The following CFAP206 variants were observed in gnomAD, a reference collection of about 807,000 sequenced individuals.
CFAP206 encodes cilia- and flagella-associated protein 206.
CFAP206 carries 53 observed loss-of-function variants against 65.4 expected under a neutral mutation model. The observed-to-expected ratio is 0.81, with a 90% CI of 0.65 to 1.02. The LOEUF is 1.02. Among genes scored for constraint, CFAP206 ranks in the 50% least tolerant of loss-of-function variants. The probability of loss-of-function intolerance (pLI) is 0.00; values close to 1 mark genes in which losing one functional copy is unlikely to be tolerated. For synonymous variants in CFAP206, 250 were observed against 254.4 expected, an observed-to-expected ratio of 0.98 and a Z score of 0.17; for missense variants, 663 against 753.2, an observed-to-expected ratio of 0.88 and a Z score of 1.40.
At chr6:87,454,672 T>A (rs1768603786) in intron 11 of CFAP206, among the ~76,000 whole-genome samples, 1 of 151,304 alleles carries the variant, frequency 6.6e-6, no homozygotes, top group South Asian at 2.1e-4. Flanking sequence ...GGTGAAACCC[T>A]GTCTCTACTA....
chr6:87,433,686 A>C (rs2127952607), intron 10 of CFAP206, among the ~76,000 whole-genome samples: 1 of 152,346 alleles, frequency 6.6e-6, no homozygotes, highest in African/African-American at 2.4e-5. Context: ...ACAGTTTAAA[A>C]TCATACTTTA....
rs2127958691 is a variant in CFAP206 at position 87,464,129 on chromosome 6, T to C, written c.1748T>C (p.Met583Thr). Residue 583 changes from methionine to threonine, a missense_variant, in exon 13 of 13, where the codon ATG (methionine) becomes ACG (threonine). Transcript: ENST00000369562. Reference sequence around the variant, plus strand: ...CCAAAGGACACTAGCACCCAGTCCATGAGGGAAGACAGCACTGGGGTGCCC... The same window carrying C: ...CCAAAGGACACTAGCACCCAGTCCACGAGGGAAGACAGCACTGGGGTGCCC... ...YPPKDTSTQS[M>T]REDSTGVPRP... 1 of 1,614,182 alleles carries C rather than the reference T, an allele frequency of 6.2e-7. No homozygotes were observed. The highest frequency in any genetic ancestry group is 8.5e-7 in the Non-Finnish European group (1 of 1,180,020).
At chr6:87,424,288 T>C (rs1767999124) in intron 7 of CFAP206, among the ~76,000 whole-genome samples, 1 of 152,220 alleles carries the variant, frequency 6.6e-6, no homozygotes, top group Admixed American at 6.5e-5. Flanking sequence ...TTATTTTTTT[T>C]TATTTTTTTG....
At chr6:87,463,984 G>C in intron 12 of CFAP206, 36 bp from the exon 13 acceptor site, 1 of 1,525,760 alleles carries the variant, frequency 6.6e-7, no homozygotes. Flanking sequence ...TTGTTCTTTA[G>C]AGAAATGTTA....
intron 7 of CFAP206, among the ~76,000 whole-genome samples, chr6:87,424,914 A>G (rs1235169226): frequency 6.6e-6 from 1 of 152,264 alleles, no homozygotes; most frequent in Non-Finnish European, 1.5e-5. Flanking sequence ...TATATCCTGA[A>G]CTGCAAAAGC....
chr6:87,423,069 A>G (rs1171313060), intron 7 of CFAP206, among the ~76,000 whole-genome samples: 1 of 151,780 alleles, frequency 6.6e-6, no homozygotes, highest in African/African-American at 2.4e-5. Context: ...GACACGCGCC[A>G]CCACGCCTGG....
chr6:87,459,104 A>C (rs1169987934), intron 11 of CFAP206, among the ~76,000 whole-genome samples: 2 of 152,120 alleles, frequency 1.3e-5, no homozygotes, highest in African/African-American at 4.8e-5. Context: ...TTTTTGCTTA[A>C]TTAGATGTTA....
chr6:87,437,723 A>G (rs942425183), intron 11 of CFAP206, among the ~76,000 whole-genome samples: 1 of 151,428 alleles, frequency 6.6e-6, no homozygotes, highest in African/African-American at 2.4e-5. Context: ...TGACATGAAC[A>G]TGGCTCACTA....
chr6:87,415,105 G>T (rs1049837772), intron 4 of CFAP206, among the ~76,000 whole-genome samples: 1 of 151,982 alleles, frequency 6.6e-6, no homozygotes, highest in African/African-American at 2.4e-5. Context: ...CTGTCCCTCA[G>T]CATATCACAG....
In CFAP206 at chr6:87,412,443, G is replaced by C. The variant is rs547507445; in HGVS notation, c.193-1367G>C. On this transcript the variant is annotated intron_variant, in intron 3 of 12. Transcript: ENST00000369562. ...AGAGTGAGCAGTGAAGGAAGTGGGG[G>C]AGGGAGGTGACCAGTAGAGATGAGA... is the stretch of plus-strand genomic sequence containing the variant. 2.0e-4 allele frequency among the ~76,000 whole-genome samples: 31 copies of C among 152,204 alleles called. No individual in the cohort carries two copies. In the Middle Eastern group the frequency reaches 0.01, roughly 50 times the overall value.
At chr6:87,427,398 C>T (rs1313593829) in intron 8 of CFAP206, among the ~76,000 whole-genome samples, 1 of 152,160 alleles carries the variant, frequency 6.6e-6, no homozygotes, top group Admixed American at 6.5e-5. Flanking sequence ...CTCGGCCTCC[C>T]AAAGTTCTGG....
chr6:87,454,708 G>A (rs1026426268), intron 11 of CFAP206, among the ~76,000 whole-genome samples: 27 of 150,954 alleles, frequency 1.8e-4, no homozygotes, highest in Non-Finnish European at 2.7e-4. Context: ...ATCCAGGTGT[G>A]GTGGTGCATG....
Position 87,463,884 on chromosome 6 carries a change from A to G in CFAP206, c.1639-136A>G, listed in dbSNP as rs1768781850. On this transcript the variant is annotated intron_variant, in intron 12 of 12. Transcript: ENST00000369562. ...TTCTAGATTTTCCAATGTTTTATAG[A>G]AAAAATGCTATGTTATGGAATTAAT... is the stretch of plus-strand genomic sequence containing the variant. The G allele has an allele frequency of 7.2e-6, 4 of 553,006 alleles. No individual in the cohort carries two copies. The Admixed American group carries it at 1.4e-4, about 19-fold the overall frequency. The allele number at this position is 553,006 out of a possible 1,614,324, so 34.3% of individuals were successfully genotyped here.
At chr6:87,409,536 T>TTA (rs758970954) in intron 1 of CFAP206, among the ~76,000 whole-genome samples, 5,364 of 147,664 alleles carry the variant, frequency 0.036, 119 homozygotes, top group Middle Eastern at 0.073. Context: ...TTTTTTTTTT[T>TTA]AATTAAGAAT....
intron 7 of CFAP206, among the ~76,000 whole-genome samples, chr6:87,422,898 A>T (rs1228222170): frequency 6.6e-6 from 1 of 152,150 alleles, no homozygotes; most frequent in East Asian, 1.9e-4. Context: ...GGATCCTGCA[A>T]CTACAGCTTG....
At chr6:87,460,688 A>T (rs1057351092) in intron 11 of CFAP206, among the ~76,000 whole-genome samples, 9 of 152,008 alleles carry the variant, frequency 5.9e-5, no homozygotes, top group Non-Finnish European at 1.2e-4. Flanking sequence ...TGTGGTCACT[A>T]CCTGGGTGAT....
intron 11 of CFAP206, chr6:87,444,253 T>A: frequency 5.5e-6 from 1 of 180,418 alleles, no homozygotes; most frequent in Non-Finnish European, 1.2e-5. Context: ...GCATTTGGGG[T>A]AGAGGGGTGG....
chr6:87,438,385 A>G (rs766009391), intron 11 of CFAP206, among the ~76,000 whole-genome samples: 5 of 147,498 alleles, frequency 3.4e-5, no homozygotes, highest in Non-Finnish European at 7.4e-5. Context: ...CGCTTGAACC[A>G]GGGAGTCAGA....
At chr6:87,435,159 A>G in intron 11 of CFAP206, 106 bp downstream of exon 11, 1 of 756,844 alleles carries the variant, frequency 1.3e-6, no homozygotes, top group Non-Finnish European at 2.1e-6. Flanking sequence ...AGAGAGAGTC[A>G]GATGAGGGTC....
Sources: allele counts gnomAD v4.1 joint callset (sites outside exome capture counted in the v4.1 genomes callset), GRCh38; gene constraint gnomAD v4.1.1; transcripts MANE v1.5; gene names NCBI Gene and HGNC (gene_info 2026-07-23, HGNC 2026-07-21).